The following SLC16A10 variants were observed in gnomAD, a reference collection of about 807,000 sequenced individuals.
SLC16A10 encodes the protein solute carrier family 16 member 10, also known as monocarboxylate transporter 10.
In SLC16A10, 27 loss-of-function variants were observed where a neutral mutation model predicts 40.0. That is an observed-to-expected ratio of 0.67 (90% confidence interval 0.50 to 0.93). The LOEUF is 0.93. Ranked by LOEUF, SLC16A10 falls within the 40% of genes least tolerant of loss-of-function variation. The pLI is 0.00. For missense variants in SLC16A10, 529 were observed against 658.2 expected, an observed-to-expected ratio of 0.80 and a Z score of 2.15; for synonymous variants, 213 against 249.8, an observed-to-expected ratio of 0.85 and a Z score of 1.39.
chr6:111,160,692 G>A (rs1463247738), intron 1 of SLC16A10, among the ~76,000 whole-genome samples: 1 of 152,220 alleles, frequency 6.6e-6, no homozygotes, highest in Non-Finnish European at 1.5e-5. Context: ...GTAAGGATGG[G>A]TGGAGAAGAA....
chr6:111,148,465 G>A (rs934920572), intron 1 of SLC16A10, among the ~76,000 whole-genome samples: 1 of 152,190 alleles, frequency 6.6e-6, no homozygotes, highest in Admixed American at 6.5e-5. Flanking sequence ...AGAACAGAAG[G>A]TGTCACCTAT....
chr6:111,205,291 A>G (rs9481143), intron 3 of SLC16A10, among the ~76,000 whole-genome samples: 6,781 of 152,242 alleles, frequency 0.045, 349 homozygotes, highest in African/African-American at 0.13. Context: ...GCACTGCCAC[A>G]TGGGCACTAT....
In SLC16A10 at chr6:111,222,983, A is replaced by G. The variant is rs1770932300; in HGVS notation, c.*748A>G. 6.6e-6 allele frequency: 1 copy of G among 152,172 alleles called. No individual in the cohort carries two copies. The highest frequency in any genetic ancestry group is 2.4e-5 in the African/African-American group (1 of 41,424). The allele number at this position is 152,172 out of a possible 1,614,324, so 9.4% of individuals were successfully genotyped here. The stretch of plus-strand genomic sequence containing the variant: ...ACCCCACGTTTCTGAATTTGTTTAA[A>G]CTGTAACAATAAAGTAAAATAGAAT... On this transcript the variant is annotated 3_prime_UTR_variant, in exon 6 of 6. Transcript: ENST00000368851.
chr6:111,121,496 G>A (rs143703297), intron 1 of SLC16A10, among the ~76,000 whole-genome samples: 1 of 152,312 alleles, frequency 6.6e-6, no homozygotes, highest in African/African-American at 2.4e-5. Flanking sequence ...AGAAAGTTGA[G>A]GCTGTGGTCA....
chr6:111,144,425 G>A (rs1772039981), intron 1 of SLC16A10, among the ~76,000 whole-genome samples: 2 of 152,068 alleles, frequency 1.3e-5, no homozygotes, highest in South Asian at 2.1e-4. Context: ...GGATGGTCTC[G>A]ATCTCCTGAC....
At chr6:111,197,057 A>G (rs1479099919) in intron 3 of SLC16A10, among the ~76,000 whole-genome samples, 1 of 152,230 alleles carries the variant, frequency 6.6e-6, no homozygotes, top group African/African-American at 2.4e-5. Flanking sequence ...GTGGAAGGAA[A>G]GCTGATCTAG....
intron 1 of SLC16A10, among the ~76,000 whole-genome samples, chr6:111,100,839 C>CA (rs1356045081): frequency 6.6e-6 from 1 of 151,224 alleles, no homozygotes; most frequent in African/African-American, 2.4e-5. Context: ...TGCATGTATG[C>CA]ATATATACAT....
chr6:111,206,420 T>C (rs1773256290), intron 3 of SLC16A10, among the ~76,000 whole-genome samples, 172 bp from the exon 4 acceptor site: 1 of 152,194 alleles, frequency 6.6e-6, no homozygotes, highest in Non-Finnish European at 1.5e-5. Flanking sequence ...TGTTAATTTT[T>C]TTCAAATGTT....
At chr6:111,104,299 C>A (rs371583599) in intron 1 of SLC16A10, among the ~76,000 whole-genome samples, 3 of 152,016 alleles carry the variant, frequency 2.0e-5, no homozygotes, top group African/African-American at 7.2e-5. Context: ...TACAAAGCCC[C>A]GACCGAAAGC....
intron 3 of SLC16A10, among the ~76,000 whole-genome samples, chr6:111,200,423 A>T (rs956540666): frequency 1.3e-5 from 2 of 152,140 alleles, no homozygotes; most frequent in Non-Finnish European, 2.9e-5. Context: ...GATTAATTTT[A>T]TGTACTCAAG....
chr6:111,230,453 CT>C lies in SLC16A10; in HGVS notation c.*8222del, dbSNP rs1185928818. 1 of 152,204 alleles carries C rather than the reference CT, an allele frequency of 6.6e-6. No individual in the cohort carries two copies. The highest frequency in any genetic ancestry group is 6.5e-5 in the Admixed American group (1 of 15,276). The allele number at this position is 152,204 out of a possible 1,614,324, so 9.4% of individuals were successfully genotyped here. ...TTTGCTCTGGTAACTAATGATAACA[CT>C]TTTCTACGTTAACATGAGTTATATT... is the stretch of plus-strand genomic sequence containing the variant. On this transcript the variant is annotated 3_prime_UTR_variant, in exon 6 of 6. Transcript: ENST00000368851.
At chr6:111,154,067 A>G (rs1772224740) in intron 1 of SLC16A10, among the ~76,000 whole-genome samples, 1 of 152,236 alleles carries the variant, frequency 6.6e-6, no homozygotes, top group Middle Eastern at 3.2e-3. Flanking sequence ...GTCTTATGAG[A>G]AAATGATAAT....
At chr6:111,163,983 C>A (rs771225181) in intron 1 of SLC16A10, among the ~76,000 whole-genome samples, 32 of 152,246 alleles carry the variant, frequency 2.1e-4, no homozygotes, top group Non-Finnish European at 4.0e-4. Flanking sequence ...TAAACCTTTA[C>A]AAATTTTTGT....
chr6:111,173,995 G>A (rs1440211467), intron 2 of SLC16A10, among the ~76,000 whole-genome samples: 1 of 152,188 alleles, frequency 6.6e-6, no homozygotes, highest in African/African-American at 2.4e-5. Flanking sequence ...GTGCACTGAA[G>A]AGGGACTCAC....
intron 3 of SLC16A10, among the ~76,000 whole-genome samples, chr6:111,179,998 T>C (rs1368656700): frequency 6.6e-6 from 1 of 152,238 alleles, no homozygotes; most frequent in African/African-American, 2.4e-5. Flanking sequence ...GTGTCTCATA[T>C]CCTTCAAAAG....
At chr6:111,193,403 G>A (rs1246739029) in intron 3 of SLC16A10, 10 of 777,354 alleles carry the variant, frequency 1.3e-5, no homozygotes, top group Non-Finnish European at 1.4e-5. Flanking sequence ...AGATGAATAA[G>A]GATCTTTATT....
At chr6:111,172,616 T>A (rs1342263484) in intron 1 of SLC16A10, 79 bp from the exon 2 acceptor site, 3 of 1,500,440 alleles carry the variant, frequency 2.0e-6, no homozygotes, top group East Asian at 4.7e-5. Context: ...TTTTTCTAAA[T>A]GTGTATTATA....
intron 1 of SLC16A10, among the ~76,000 whole-genome samples, chr6:111,164,152 T>C (rs74658865): frequency 0.02 from 3,089 of 152,300 alleles, 99 homozygotes; most frequent in African/African-American, 0.07. Context: ...AACCTTCAAC[T>C]TTATCTTATC....
At chr6:111,167,570 A>G (rs566267855) in intron 1 of SLC16A10, among the ~76,000 whole-genome samples, 61 of 152,174 alleles carry the variant, frequency 4.0e-4, no homozygotes, top group African/African-American at 1.4e-3. Flanking sequence ...TATATTAGGA[A>G]GTCCTCTGTG....
Sources: allele counts gnomAD v4.1 joint callset (sites outside exome capture counted in the v4.1 genomes callset), GRCh38; gene constraint gnomAD v4.1.1; transcripts MANE v1.5; gene names NCBI Gene and HGNC (gene_info 2026-07-23, HGNC 2026-07-21).